Variants in UNC5C observed in about 807,000 individuals in gnomAD.
UNC5C encodes unc-5 netrin receptor C.
In UNC5C, 47 loss-of-function variants were observed where a neutral mutation model predicts 99.8. The observed-to-expected ratio is 0.47, with a 90% CI of 0.37 to 0.60. The LOEUF (loss-of-function observed/expected upper bound fraction) is 0.60. UNC5C is among the 20% of genes least tolerant of loss of function. The probability of loss-of-function intolerance (pLI) is 0.00; values close to 1 mark genes in which losing one functional copy is unlikely to be tolerated. For synonymous variants in UNC5C, 487 were observed against 452.2 expected (o/e 1.08, Z -0.98); for missense variants, 1,062 against 1,165.9 (o/e 0.91, Z 1.30).
At chr4:95,449,028 T>A (rs922945564) in intron 1 of UNC5C, among the ~76,000 whole-genome samples, 1 of 151,286 alleles carries the variant, frequency 6.6e-6, no homozygotes, top group Admixed American at 6.6e-5. Flanking sequence ...TCCCCACACA[T>A]CCCCACATAC....
chr4:95,431,935 C>G (rs1479188003), intron 1 of UNC5C, among the ~76,000 whole-genome samples: 2 of 152,060 alleles, frequency 1.3e-5, no homozygotes, highest in African/African-American at 4.8e-5. Context: ...AATTGCTTCC[C>G]TCATTTGTCA....
chr4:95,508,959 C>T (rs1222029102), intron 1 of UNC5C, among the ~76,000 whole-genome samples: 1 of 151,790 alleles, frequency 6.6e-6, no homozygotes. Flanking sequence ...AATTTTGAAA[C>T]TGGTGTTACA....
chr4:95,417,717 G>A (rs898572940), intron 1 of UNC5C, among the ~76,000 whole-genome samples: 4 of 152,178 alleles, frequency 2.6e-5, no homozygotes, highest in Middle Eastern at 3.2e-3. Flanking sequence ...AGGTGAGTAG[G>A]TGAGTGTGCA....
intron 1 of UNC5C, among the ~76,000 whole-genome samples, chr4:95,469,910 A>C (rs1157526065): frequency 6.6e-6 from 1 of 152,148 alleles, no homozygotes; most frequent in Non-Finnish European, 1.5e-5. Context: ...TTTTTAGTGG[A>C]TCTTTTAACA....
intron 1 of UNC5C, among the ~76,000 whole-genome samples, chr4:95,393,910 AG>A (rs1745435527): frequency 6.6e-6 from 1 of 151,594 alleles, no homozygotes; most frequent in South Asian, 2.1e-4. Flanking sequence ...CACAAAGCCT[AG>A]AGGACAGTTT....
intron 1 of UNC5C, among the ~76,000 whole-genome samples, chr4:95,360,956 T>A (rs956081673): frequency 5.3e-5 from 8 of 152,314 alleles, no homozygotes; most frequent in African/African-American, 1.9e-4. Context: ...GTATATGCGG[T>A]TATTTTTTAG....
intron 2 of UNC5C, among the ~76,000 whole-genome samples, chr4:95,323,659 C>A (rs1403713073): frequency 6.6e-6 from 1 of 152,178 alleles, no homozygotes; most frequent in Non-Finnish European, 1.5e-5. Flanking sequence ...GCAGCATTTC[C>A]TAAATCATCT....
Position 95,280,687 on chromosome 4 carries a change from T to TCAACAACAACAACAACAA in UNC5C, c.491-2343_491-2326dup, listed in dbSNP as rs58348747. ...CTGGGTGAAAGAGTGAGACCCCATC[T>TCAACAACAACAACAACAA]CAACAACAACAACAACAACAACAAG... On this transcript the variant is annotated intron_variant, in intron 3 of 15. Transcript: ENST00000453304. Among the ~76,000 whole-genome samples, 726 of 150,994 alleles carry TCAACAACAACAACAACAA rather than the reference T, an allele frequency of 4.8e-3. 14 individuals are homozygous for TCAACAACAACAACAACAA. In the East Asian group the frequency reaches 0.081, roughly 17 times the overall value.
At position 95,548,382 on chromosome 4, in the gene UNC5C, T is replaced by C. The variant is rs565942721; in HGVS notation, c.124+352A>G. On this transcript the variant is annotated intron_variant, in intron 1 of 15. Coordinates refer to ENST00000453304, the MANE Select transcript of UNC5C (RefSeq NM_003728.4). Reference sequence around the variant, plus strand: ...ACACAGCCACCCGCACCGAGAGTCTTTCCAAACCTCCGTGTGTGCAATATG... The same window carrying C: ...ACACAGCCACCCGCACCGAGAGTCTCTCCAAACCTCCGTGTGTGCAATATG... Among the ~76,000 whole-genome samples, 301 of 151,834 alleles carry C rather than the reference T, an allele frequency of 2.0e-3. 2 individuals carry two copies. Among genetic ancestry groups the C allele is most frequent in the Non-Finnish European group, 3.3e-3 (226 of 67,918 alleles).
Position 95,288,581 on chromosome 4 carries a change from G to T in UNC5C, c.491-10219C>A, listed in dbSNP as rs1346018720. Among the ~76,000 whole-genome samples, 5 of 152,176 alleles carry T rather than the reference G, an allele frequency of 3.3e-5. No homozygotes were observed. The East Asian group carries it at 9.6e-4, about 29-fold the overall frequency. On this transcript the variant is annotated intron_variant, in intron 3 of 15. Coordinates refer to ENST00000453304, the MANE Select transcript of UNC5C (RefSeq NM_003728.4). The stretch of plus-strand genomic sequence containing the variant: ...AAATATATTCACTTGTAGTTCTAAA[G>T]GCCAAATAATTGAAATCAGTTTCAC...
intron 1 of UNC5C, among the ~76,000 whole-genome samples, chr4:95,388,214 C>A (rs1745264039): frequency 6.6e-6 from 1 of 152,128 alleles, no homozygotes; most frequent in South Asian, 2.1e-4. Flanking sequence ...CAATCTGGCA[C>A]TACATAAAAC....
In UNC5C at chr4:95,284,524, G is replaced by T. The variant is rs574845073; in HGVS notation, c.491-6162C>A. Among the ~76,000 whole-genome samples, 93 of 152,260 alleles carry T rather than the reference G, an allele frequency of 6.1e-4. 3 individuals carry two copies. The highest frequency in any genetic ancestry group is 3.7e-3 in the East Asian group (19 of 5,168). ...ACAACAGCTTATAATATTCTCCTCA[G>T]AACGACTTTCACAGAACTTTTTGGA... On this transcript the variant is annotated intron_variant, in intron 3 of 15. Coordinates refer to ENST00000453304, the MANE Select transcript of UNC5C (RefSeq NM_003728.4).
intron 7 of UNC5C, among the ~76,000 whole-genome samples, chr4:95,241,343 T>C (rs1369621789): frequency 6.6e-6 from 1 of 152,212 alleles, no homozygotes; most frequent in Admixed American, 6.5e-5. Flanking sequence ...AGAGGCCTAT[T>C]GGATTTTTAT....
At chr4:95,238,209 A>G (rs952944099) in intron 7 of UNC5C, among the ~76,000 whole-genome samples, 2 of 152,156 alleles carry the variant, frequency 1.3e-5, no homozygotes, top group Non-Finnish European at 2.9e-5. Context: ...GGTGAGTTTA[A>G]TTCATTTACA....
At chr4:95,377,813 T>C (rs373637248) in intron 1 of UNC5C, among the ~76,000 whole-genome samples, 12 of 152,172 alleles carry the variant, frequency 7.9e-5, no homozygotes, top group African/African-American at 2.2e-4. Context: ...AAGGTCATTC[T>C]GTGGATTTGG....
At chr4:95,389,489 G>T (rs1453655276) in intron 1 of UNC5C, among the ~76,000 whole-genome samples, 1 of 152,024 alleles carries the variant, frequency 6.6e-6, no homozygotes, top group Non-Finnish European at 1.5e-5. Flanking sequence ...ATTCTATCTG[G>T]TAGCCACTAG....
intron 1 of UNC5C, among the ~76,000 whole-genome samples, chr4:95,478,951 C>T (rs1197743606): frequency 6.6e-6 from 1 of 151,894 alleles, no homozygotes; most frequent in Admixed American, 6.6e-5. Context: ...TGCTTTCTCT[C>T]CTATTCCCCC....
chr4:95,368,794 A>C (rs1010717166), intron 1 of UNC5C, among the ~76,000 whole-genome samples: 1 of 152,214 alleles, frequency 6.6e-6, no homozygotes, highest in African/African-American at 2.4e-5. Flanking sequence ...TTAACCCAAA[A>C]TGTCCAAAAT....
intron 12 of UNC5C, 51 bp from the exon 13 acceptor site, chr4:95,185,247 C>A: frequency 6.5e-7 from 1 of 1,545,038 alleles, no homozygotes; most frequent in Middle Eastern, 1.9e-4. Context: ...TGGATCACTT[C>A]TGTCAGCTCT....
Sources: gnomAD v4.1 joint callset for allele counts (sites outside exome capture counted in the v4.1 genomes callset) on GRCh38, gnomAD v4.1.1 for gene constraint, MANE v1.5 for transcripts, NCBI Gene and HGNC (gene_info 2026-07-23, HGNC 2026-07-21) for gene names.